The following ANXA8 variants were observed in gnomAD, a reference collection of about 807,000 sequenced individuals.
The protein encoded by ANXA8 is VAC-beta.
ANXA8 carries 9 observed loss-of-function variants against 26.8 expected under a neutral mutation model. The ratio of observed to expected loss-of-function variants is 0.34; its 90% CI spans 0.20 to 0.59. The LOEUF is 0.59. ANXA8 is among the 20% of genes least tolerant of loss of function. The pLI is 0.84. For missense variants in ANXA8, 83 were observed against 238.5 expected (o/e 0.35, Z 4.29); for synonymous variants, 39 against 94.8 (o/e 0.41, Z 3.42).
At chr10:47,488,712 AATT>A (rs1291106753), upstream of ANXA8, among the ~76,000 whole-genome samples, 4,581 of 94,834 alleles carry the variant, frequency 0.048, 346 homozygotes, top group East Asian at 0.29. Flanking sequence ...TTACATGTTA[AATT>A]TTTTTTTTTT....
chr10:47,680,629 C>A, the ANXA8 span, among the ~76,000 whole-genome samples: 6 of 146,722 alleles, frequency 4.1e-5, no homozygotes, highest in Non-Finnish European at 5.9e-5. Flanking sequence ...AGCAAGACTC[C>A]ATCTCAAAAA....
chr10:47,744,836 TC>T, the ANXA8 span, among the ~76,000 whole-genome samples: 1 of 152,076 alleles, frequency 6.6e-6, no homozygotes, highest in Admixed American at 6.6e-5. Context: ...ACTTTCTGGA[TC>T]ACAAAATTCA....
the ANXA8 span, among the ~76,000 whole-genome samples, chr10:47,650,303 T>C: frequency 6.9e-6 from 1 of 144,650 alleles, no homozygotes; most frequent in African/African-American, 2.5e-5. Flanking sequence ...TGCCTTGGCC[T>C]CCCAAAGTGC....
At chr10:47,523,934 C>G in the ANXA8 span, among the ~76,000 whole-genome samples, 1 of 150,102 alleles carries the variant, frequency 6.7e-6, no homozygotes, top group Non-Finnish European at 1.5e-5. Context: ...GCACACAATG[C>G]CCCACCCCAC....
the ANXA8 span, among the ~76,000 whole-genome samples, chr10:47,685,469 T>C: frequency 1.3e-5 from 2 of 151,886 alleles, no homozygotes; most frequent in Non-Finnish European, 2.9e-5. Flanking sequence ...CTGCTTCGTG[T>C]CATCCCTTTA....
At chr10:47,556,798 T>C in the ANXA8 span, among the ~76,000 whole-genome samples, 1 of 145,718 alleles carries the variant, frequency 6.9e-6, no homozygotes, top group East Asian at 2.1e-4. Flanking sequence ...TCCTTTTTTT[T>C]CTTGATCTGT....
the ANXA8 span, among the ~76,000 whole-genome samples, chr10:47,903,926 A>C: frequency 9.8e-5 from 1 of 10,166 alleles, no homozygotes; most frequent in East Asian, 8.5e-4. Flanking sequence ...GCTGTTAAGC[A>C]GGCAAGTTGA....
chr10:47,628,447 T>C, the ANXA8 span, among the ~76,000 whole-genome samples: 1 of 151,066 alleles, frequency 6.6e-6, no homozygotes. Context: ...ATGCAGGTTG[T>C]ATAATTTGTC....
the ANXA8 span, among the ~76,000 whole-genome samples, chr10:47,733,320 C>T: frequency 8.2e-6 from 1 of 121,778 alleles, no homozygotes; most frequent in Non-Finnish European, 1.6e-5. Flanking sequence ...CTCTCCCTCT[C>T]CCTCTCTCTC....
the ANXA8 span, among the ~76,000 whole-genome samples, chr10:47,960,162 G>T: frequency 6.7e-6 from 1 of 148,464 alleles, no homozygotes; most frequent in Non-Finnish European, 1.5e-5. Context: ...AGGTTTTGAG[G>T]TTATTATGCA....
chr10:47,970,055 T>A, the ANXA8 span: 2 of 151,418 alleles, frequency 1.3e-5, no homozygotes, highest in Non-Finnish European at 3.0e-5. Flanking sequence ...GGAACAAACT[T>A]CTTTAATGGG....
chr10:47,921,729 G>A, the ANXA8 span, among the ~76,000 whole-genome samples: 1 of 151,350 alleles, frequency 6.6e-6, no homozygotes, highest in Non-Finnish European at 1.5e-5. Flanking sequence ...GCTGAGCACA[G>A]TACCCAGCAT....
the ANXA8 span, among the ~76,000 whole-genome samples, chr10:47,500,050 C>T: frequency 6.6e-6 from 1 of 150,472 alleles, no homozygotes; most frequent in African/African-American, 2.4e-5. Flanking sequence ...GGATTACAGG[C>T]ATGAGATACT....
chr10:47,645,727 G>A, the ANXA8 span, among the ~76,000 whole-genome samples: 34 of 150,834 alleles, frequency 2.3e-4, no homozygotes, highest in South Asian at 2.7e-3. Context: ...AGAGAAATTA[G>A]CATTTGAATA....
the ANXA8 span, among the ~76,000 whole-genome samples, chr10:47,633,403 TCCC>T: frequency 4.8e-5 from 4 of 84,198 alleles, 1 homozygote; most frequent in Admixed American, 5.2e-4. Context: ...AGATCTGCCC[TCCC>T]CCCATCTCTG....
At chr10:47,693,033 C>A in the ANXA8 span, among the ~76,000 whole-genome samples, 2 of 151,696 alleles carry the variant, frequency 1.3e-5, no homozygotes, top group South Asian at 4.2e-4. Flanking sequence ...CCGTGCCTGG[C>A]CAGAATATGT....
chr10:47,957,405 A>G, the ANXA8 span, among the ~76,000 whole-genome samples: 12 of 150,354 alleles, frequency 8.0e-5, no homozygotes, highest in Admixed American at 1.3e-4. Flanking sequence ...TGTACTGGTG[A>G]CTGGGCTGGG....
chr10:47,733,235 C>T, the ANXA8 span, among the ~76,000 whole-genome samples: 5 of 47,074 alleles, frequency 1.1e-4, no homozygotes, highest in African/African-American at 1.9e-4. Context: ...TTCTTTCTCT[C>T]TTTCTTTCTT....
At chr10:47,954,647 A>G in the ANXA8 span, among the ~76,000 whole-genome samples, 2 of 151,350 alleles carry the variant, frequency 1.3e-5, no homozygotes, top group Non-Finnish European at 2.9e-5. Flanking sequence ...GCCTGTATCA[A>G]AACACCTCAT....
Sources: allele counts gnomAD v4.1 joint callset (sites outside exome capture counted in the v4.1 genomes callset), GRCh38; gene constraint gnomAD v4.1.1; transcripts MANE v1.5; gene names NCBI Gene and HGNC (gene_info 2026-07-23, HGNC 2026-07-21).